The following FAM234B variants were observed in gnomAD, a reference collection of about 807,000 sequenced individuals.
FAM234B encodes the protein family with sequence similarity 234 member B, also known as protein FAM234B.
Under a neutral mutation model 69.3 loss-of-function variants are expected in FAM234B, and 33 were observed. That is an observed-to-expected ratio of 0.48 (90% CI 0.36 to 0.64). The LOEUF (loss-of-function observed/expected upper bound fraction) is 0.64. FAM234B is among the 30% of genes least tolerant of loss of function. The pLI, the probability that FAM234B is intolerant of heterozygous loss-of-function variation, is 0.00. For missense variants in FAM234B, 697 were observed against 769.7 expected, an observed-to-expected ratio of 0.91 and a Z score of 1.12; for synonymous variants, 306 against 306.9, an observed-to-expected ratio of 1.00 and a Z score of 0.03.
In FAM234B at chr12:13,069,132, C is replaced by T. The variant is rs78243058; in HGVS notation, c.1368+421C>T. Among the ~76,000 whole-genome samples, 844 of 152,180 alleles carry T rather than the reference C, an allele frequency of 5.5e-3. 3 individuals carry two copies. The highest frequency in any genetic ancestry group is 0.014 in the Middle Eastern group (4 of 294). Reference sequence around the variant, plus strand: ...TATAAGCAGCTTTTTAAAGCTGAATCGTATTTATGTAGACAGGAAAACATG... The same window carrying T: ...TATAAGCAGCTTTTTAAAGCTGAATTGTATTTATGTAGACAGGAAAACATG... On this transcript the variant is annotated intron_variant, in intron 9 of 12. Coordinates refer to ENST00000197268, the MANE Select transcript of FAM234B (RefSeq NM_020853.2).
chr12:13,079,732 C>T, intron 11 of FAM234B, 57 bp from the exon 12 acceptor site: 5 of 1,065,112 alleles, frequency 4.7e-6, no homozygotes, highest in South Asian at 1.3e-5. Flanking sequence ...AAACCCCTCT[C>T]CTGTTAGTGG....
At position 13,067,284 on chromosome 12, in the gene FAM234B, T is replaced by A; in HGVS notation, c.1130T>A (p.Ile377Asn). The change falls in exon 7 of 13, where the codon ATT becomes AAT. Residue 377 changes from isoleucine (I) to asparagine (N), a missense_variant. Ile to Asn is a moderately radical substitution (Grantham distance 149). Coordinates refer to ENST00000197268, the MANE Select transcript of FAM234B (RefSeq NM_020853.2). This position sits in a 1 kb window ranked among gnomAD's most constrained non-coding sequence, Gnocchi z 4.7. ...KRRSINLSELIDVYSDGVELL... is the reference protein window; with the variant it reads ...KRRSINLSELNDVYSDGVELL... ...AGATCCATCAACCTGTCTGAGCTCA[T>A]TGATGTTTACAGGTAGGGCAGACGT... The A allele has an allele frequency of 6.2e-7, 1 of 1,613,946 alleles. No individual in the cohort carries two copies. The highest frequency in any genetic ancestry group is 8.5e-7 in the Non-Finnish European group (1 of 1,179,848).
Position 13,055,949 on chromosome 12 carries a change from G to A in FAM234B, c.433+3G>A, listed in dbSNP as rs1864926826. The A allele has an allele frequency of 6.5e-7, 1 of 1,548,240 alleles. No individual in the cohort carries two copies. Among genetic ancestry groups the A allele is most frequent in the African/African-American group, 1.4e-5 (1 of 72,894 alleles). On this transcript the variant is annotated splice_donor_region_variant and intron_variant, in intron 2 of 12. Coordinates refer to ENST00000197268, the MANE Select transcript of FAM234B (RefSeq NM_020853.2). ...CCGCCACTTGGGCTCCCAGGGAGGT[G>A]AGCTGCAGAATCTTCAGCCCTAATC...
rs765598890 is a variant in FAM234B, at chr12:13,076,077, C to T, written c.1576C>T (p.His526Tyr). ...PPSLHHLYLL[H>Y]PAFPSILLDL... ...CAGCCTTCACCACCTTTACCTCCTG[C>T]ATCCTGCGTTCCCCTCCATCCTTCT... Residue 526 changes from histidine to tyrosine, a missense_variant, in exon 11 of 13, where the codon CAT becomes TAT. Around this residue, in one of 3 missense-constraint regions of FAM234B, gnomAD observed 313 missense variants for 305.5 expected, o/e 1.02. Coordinates refer to ENST00000197268, the MANE Select transcript of FAM234B (RefSeq NM_020853.2). 3.7e-6 allele frequency: 6 copies of T among 1,614,222 alleles called. No individual in the cohort carries two copies. In the South Asian group the frequency reaches 5.5e-5, roughly 15 times the overall value.
chr12:13,060,533 T>G (rs1378326762), intron 3 of FAM234B, among the ~76,000 whole-genome samples: 1 of 152,168 alleles, frequency 6.6e-6, no homozygotes, highest in African/African-American at 2.4e-5. Context: ...CCACACAGGA[T>G]AGGGATCCTA....
Position 13,044,555 on chromosome 12 carries a change from G to A in FAM234B, c.37+115G>A. On this transcript the variant is annotated intron_variant, in intron 1 of 12. Transcript: ENST00000197268. This position sits in a 1 kb window ranked among gnomAD's most constrained non-coding sequence, Gnocchi z 5.6. ...TGGCCTCAACCCAGACTCAGCTGCA[G>A]GCGCCCGGTGCCGAGGAGGGTGCAG... 1 of 1,159,810 alleles carries A rather than the reference G, an allele frequency of 8.6e-7. No individual in the cohort carries two copies. The highest frequency in any genetic ancestry group is 1.2e-6 in the Non-Finnish European group (1 of 806,538). 71.8% of individuals were successfully genotyped at this position (1,159,810 alleles called of 1,614,324 possible).
chr12:13,071,486 C>G (rs1865106611), intron 10 of FAM234B, 90 bp downstream of exon 10: 1 of 1,228,272 alleles, frequency 8.1e-7, no homozygotes, highest in Non-Finnish European at 1.2e-6. Context: ...TTATTTGACC[C>G]ATCACTTTCC....
chr12:13,058,573 G>A (rs1429078434), intron 3 of FAM234B, 24 bp downstream of exon 3: 1 of 1,583,206 alleles, frequency 6.3e-7, no homozygotes. Flanking sequence ...TTTTTTCAAG[G>A]CTGCTACAGG....
At chr12:13,063,253 G>T (rs1027907640) in intron 5 of FAM234B, among the ~76,000 whole-genome samples, 1 of 152,222 alleles carries the variant, frequency 6.6e-6, no homozygotes, top group Admixed American at 6.5e-5. Flanking sequence ...TATCTTTGAG[G>T]CCTTGGGCAA....
Position 13,055,567 on chromosome 12 carries a change from C to T in FAM234B, c.54C>T (p.Asp18=), listed in dbSNP as rs766112341. The T allele has an allele frequency of 3.7e-6, 6 of 1,605,756 alleles. No individual in the cohort carries two copies. The East Asian group carries it at 1.1e-4, about 30-fold the overall frequency. Residue 18 remains aspartate, a synonymous_variant, in exon 2 of 13, where the codon GAC becomes GAT. Transcript: ENST00000197268. ...ALKLPGKKSP[D]LGEYDPLTQA... ...TATTTTCAGGGAAGAAGAGCCCAGA[C>T]CTAGGGGAGTATGATCCACTTACCC...
intron 1 of FAM234B, among the ~76,000 whole-genome samples, chr12:13,047,930 AATAG>A (rs1451753289): frequency 1.3e-5 from 2 of 152,218 alleles, no homozygotes; most frequent in Non-Finnish European, 2.9e-5. Context: ...TCTTTCTGTA[AATAG>A]ATAGAAAAAA....
chr12:13,071,266 G>T lies in FAM234B; in HGVS notation c.1394G>T (p.Gly465Val). 6.2e-7 allele frequency: 1 copy of T among 1,614,138 alleles called. No homozygotes were observed. The highest frequency in any genetic ancestry group is 8.5e-7 in the Non-Finnish European group (1 of 1,180,020). Residue 465 changes from glycine to valine, a missense_variant, in exon 10 of 13, where the codon GGC becomes GTC. Physicochemically the swap from Gly to Val is moderately radical, Grantham distance 109 (BLOSUM62 -3). Around this residue, in one of 3 missense-constraint regions of FAM234B, gnomAD observed 313 missense variants for 305.5 expected, o/e 1.02. Coordinates refer to ENST00000197268, the MANE Select transcript of FAM234B (RefSeq NM_020853.2). ...KKMMVVDGDSGSIVWSYRAPC... is the reference protein window; with the variant it reads ...KKMMVVDGDSVSIVWSYRAPC... ...ATGATGGTTGTGGATGGTGACTCTG[G>T]CTCCATTGTTTGGAGTTACCGTGCT...
intron 1 of FAM234B, among the ~76,000 whole-genome samples, chr12:13,050,465 A>T (rs1422276429): frequency 2.6e-5 from 4 of 151,950 alleles, no homozygotes; most frequent in African/African-American, 7.3e-5. Flanking sequence ...ATTCGGTCCT[A>T]CTTGGATTTG....
chr12:13,057,980 G>A (rs1353024215), intron 2 of FAM234B, among the ~76,000 whole-genome samples: 1 of 152,192 alleles, frequency 6.6e-6, no homozygotes, highest in Non-Finnish European at 1.5e-5. Flanking sequence ...GGTGGAGCTG[G>A]GCTGATAATT....
At chr12:13,063,076 CT>C in intron 5 of FAM234B, 101 bp downstream of exon 5, 2 of 1,359,146 alleles carry the variant, frequency 1.5e-6, no homozygotes, top group Non-Finnish European at 1.0e-6. Context: ...TTGAAATGTT[CT>C]TTTTACAAGG....
At position 13,061,630 on chromosome 12, in the gene FAM234B, A is replaced by G. The variant is rs750227671; in HGVS notation, c.588A>G (p.Thr196=). 1 of 1,614,000 alleles carries G rather than the reference A, an allele frequency of 6.2e-7. No homozygotes were observed. The highest frequency in any genetic ancestry group is 8.5e-7 in the Non-Finnish European group (1 of 1,179,986). The change falls in exon 4 of 13, where the codon ACA becomes ACG. Residue 196 remains threonine (T), a synonymous_variant. Transcript: ENST00000197268. ...GCCTTTCGGGGATGAATGGCAGCAC[A>G]CTGTGGTCTAGTCTTCTCCCTGAGG... is the stretch of plus-strand genomic sequence containing the variant. The part of the protein sequence containing the change: ...LVCLSGMNGS[T]LWSSLLPEEA...
chr12:13,068,828 A>G (rs1865070384), intron 9 of FAM234B, 117 bp downstream of exon 9: 1 of 652,944 alleles, frequency 1.5e-6, no homozygotes, highest in Admixed American at 2.8e-5. Context: ...TCTAACTTCA[A>G]AGAACTCAAA....
Position 13,044,806 on chromosome 12 carries a change from C to T in FAM234B, c.37+366C>T, listed in dbSNP as rs761760789. ...CCCAGCACCGCAGGGACTCCGGCGC[C>T]TTCTGTCTTGGCTGGACCTGGGCGG... On this transcript the variant is annotated intron_variant, in intron 1 of 12. Transcript: ENST00000197268. This position sits in a 1 kb window ranked among gnomAD's most constrained non-coding sequence, Gnocchi z 5.6. 6.6e-6 allele frequency among the ~76,000 whole-genome samples: 1 copy of T among 152,200 alleles called. No individual in the cohort carries two copies. The highest frequency in any genetic ancestry group is 2.4e-5 in the African/African-American group (1 of 41,466).
intron 9 of FAM234B, among the ~76,000 whole-genome samples, chr12:13,070,147 A>C (rs892010371): frequency 6.8e-6 from 1 of 146,936 alleles, no homozygotes; most frequent in Admixed American, 6.9e-5. Context: ...AGTTAAATGA[A>C]GTTAAACTAT....
Sources: gnomAD v4.1 joint callset for allele counts (sites outside exome capture counted in the v4.1 genomes callset) on GRCh38, gnomAD v4.1.1 for gene constraint, gnomAD v4.1.1 regional missense constraint, Gnocchi (gnomAD v3.1) non-coding constraint, MANE v1.5 for transcripts, NCBI Gene and HGNC (gene_info 2026-07-23, HGNC 2026-07-21) for gene names.